Variants in MBNL2 observed in about 807,000 individuals in gnomAD.
MBNL2 encodes the protein muscleblind-like protein 2.
In MBNL2, 17 loss-of-function variants were observed where a neutral mutation model predicts 41.9. The observed-to-expected ratio is 0.41, with a 90% CI of 0.28 to 0.61. The LOEUF is 0.61. Among genes scored for constraint, MBNL2 ranks in the 20% least tolerant of loss-of-function variants. MBNL2 has a pLI of 0.35. For synonymous variants in MBNL2, 195 were observed against 182.9 expected, an observed-to-expected ratio of 1.07 and a Z score of -0.53; for missense variants, 336 against 505.6, an observed-to-expected ratio of 0.66 and a Z score of 3.22.
chr13:97,330,266 C>T (rs1378632491), intron 2 of MBNL2, among the ~76,000 whole-genome samples: 2 of 152,164 alleles, frequency 1.3e-5, no homozygotes, highest in South Asian at 2.1e-4. Flanking sequence ...GCTTATGTGA[C>T]CCATGAGCTG....
the MBNL2 span, among the ~76,000 whole-genome samples, chr13:97,151,140 A>G: frequency 6.6e-6 from 1 of 152,238 alleles, no homozygotes; most frequent in African/African-American, 2.4e-5. Flanking sequence ...GCCTTGGCAG[A>G]TCCCAGAAAG....
the MBNL2 span, among the ~76,000 whole-genome samples, chr13:97,194,160 C>T: frequency 6.6e-6 from 1 of 152,214 alleles, no homozygotes; most frequent in Non-Finnish European, 1.5e-5. Context: ...ATCATAATTC[C>T]ATCATAGCAC....
intron 2 of MBNL2, among the ~76,000 whole-genome samples, chr13:97,281,775 G>A (rs1442813755): frequency 6.6e-6 from 1 of 152,180 alleles, no homozygotes; most frequent in Non-Finnish European, 1.5e-5. Flanking sequence ...TACTTTTCGT[G>A]CATTATCTAT....
chr13:97,164,505 A>C, the MBNL2 span, among the ~76,000 whole-genome samples: 1 of 152,222 alleles, frequency 6.6e-6, no homozygotes, highest in Non-Finnish European at 1.5e-5. Context: ...GATGTGTGCA[A>C]AAGAAAACAA....
intron 2 of MBNL2, among the ~76,000 whole-genome samples, chr13:97,290,593 G>A (rs1444336232): frequency 9.9e-5 from 15 of 151,728 alleles, no homozygotes; most frequent in Admixed American, 9.8e-4. Context: ...GGAGAACGGC[G>A]TGAACCCGGG....
chr13:97,198,845 G>C, the MBNL2 span, among the ~76,000 whole-genome samples: 1 of 152,012 alleles, frequency 6.6e-6, no homozygotes, highest in Non-Finnish European at 1.5e-5. Flanking sequence ...TCCAATCCAA[G>C]CCAGTACTGT....
rs73555734 is a variant in MBNL2 at position 97,226,115 on chromosome 13, T to C, written c.-605+3584T>C. 5.5e-3 allele frequency among the ~76,000 whole-genome samples: 834 copies of C among 152,338 alleles called. 12 individuals are homozygous for C. Among genetic ancestry groups the C allele is most frequent in the African/African-American group, 0.019 (793 of 41,566 alleles). Reference sequence around the variant, plus strand: ...GCCAAAGGTGCTGCGTGGCTGGGTCTGCATCAGGCCTGGGCCTCCGACTGC... The same window carrying C: ...GCCAAAGGTGCTGCGTGGCTGGGTCCGCATCAGGCCTGGGCCTCCGACTGC... On this transcript the variant is annotated intron_variant, in intron 1 of 8. Transcript: ENST00000679496.
At chr13:97,179,584 A>G in the MBNL2 span, 1 of 152,288 alleles carries the variant, frequency 6.6e-6, no homozygotes, top group Non-Finnish European at 1.5e-5. Flanking sequence ...CCCTGGACTT[A>G]AATTCCAGGC....
At chr13:97,361,803 T>C (rs2063424268) in intron 7 of MBNL2, among the ~76,000 whole-genome samples, 1 of 130,860 alleles carries the variant, frequency 7.6e-6, no homozygotes, top group Admixed American at 9.0e-5. Flanking sequence ...AGAGTCTCGC[T>C]CTGTCACCCA....
At chr13:97,154,185 A>G in the MBNL2 span, among the ~76,000 whole-genome samples, 1 of 152,190 alleles carries the variant, frequency 6.6e-6, no homozygotes, top group Admixed American at 6.6e-5. Flanking sequence ...GTCATAAAAG[A>G]GAATTTGATG....
intron 2 of MBNL2, among the ~76,000 whole-genome samples, chr13:97,287,683 ATGTT>A (rs2054766363): frequency 7.3e-6 from 1 of 136,676 alleles, no homozygotes; most frequent in Non-Finnish European, 1.6e-5. Flanking sequence ...TCTGATTATT[ATGTT>A]TATTTCTTTC....
upstream of MBNL2, among the ~76,000 whole-genome samples, chr13:97,217,620 A>AAAGTTAGT (rs992320953): frequency 6.6e-6 from 1 of 152,178 alleles, no homozygotes; most frequent in Admixed American, 6.5e-5. Flanking sequence ...CTGAGGGACT[A>AAAGTTAGT]AAGTTAGTTT....
chr13:97,391,217 GAA>G, intron 8 of MBNL2, 103 bp from the exon 9 acceptor site: 2 of 647,386 alleles, frequency 3.1e-6, no homozygotes, highest in Non-Finnish European at 5.5e-6. Flanking sequence ...AGAGATTGAA[GAA>G]AACTCTGATT....
At chr13:97,159,482 T>C in the MBNL2 span, among the ~76,000 whole-genome samples, 1 of 152,164 alleles carries the variant, frequency 6.6e-6, no homozygotes, top group African/African-American at 2.4e-5. Flanking sequence ...ATGCAGTTTC[T>C]TCCTAGTCTC....
chr13:97,379,999 G>A (rs1230229160), intron 8 of MBNL2, among the ~76,000 whole-genome samples: 2 of 152,148 alleles, frequency 1.3e-5, no homozygotes, highest in African/African-American at 4.8e-5. Context: ...ATGTCTGATT[G>A]GACCTAGGTT....
Position 97,276,210 on chromosome 13 carries a change from C to T in MBNL2, c.-26C>T, listed in dbSNP as rs1343171969. On this transcript the variant is annotated 5_prime_UTR_variant, in exon 2 of 9. Transcript: ENST00000679496. ...GATTGATTTCATCATTTAACAGAAACAAACAGCCCAAATTACTTTATCACC... is the reference window on the plus strand; with the variant it reads ...GATTGATTTCATCATTTAACAGAAATAAACAGCCCAAATTACTTTATCACC... The T allele has an allele frequency of 6.3e-7, 1 of 1,592,268 alleles. No homozygotes were observed. The highest frequency in any genetic ancestry group is 1.7e-5 in the Admixed American group (1 of 58,742).
chr13:97,356,521 CTT>C (rs1287550743), intron 5 of MBNL2, among the ~76,000 whole-genome samples: 2 of 152,034 alleles, frequency 1.3e-5, no homozygotes, highest in East Asian at 3.8e-4. Context: ...ATTTTACTCT[CTT>C]ATATGCTTTT....
chr13:97,151,394 G>C, the MBNL2 span, among the ~76,000 whole-genome samples: 56 of 152,026 alleles, frequency 3.7e-4, no homozygotes, highest in Non-Finnish European at 6.9e-4. Flanking sequence ...ATTTCTTCAA[G>C]GAGGTTAAAA....
the MBNL2 span, among the ~76,000 whole-genome samples, chr13:97,160,274 T>C: frequency 6.6e-6 from 1 of 152,192 alleles, no homozygotes; most frequent in Non-Finnish European, 1.5e-5. Flanking sequence ...AAACTGCATT[T>C]TGCTCACCTT....
Sources: gnomAD v4.1 joint callset for allele counts (sites outside exome capture counted in the v4.1 genomes callset) on GRCh38, gnomAD v4.1.1 for gene constraint, MANE v1.5 for transcripts, NCBI Gene and HGNC (gene_info 2026-07-23, HGNC 2026-07-21) for gene names.